ZFP30: variants seen among roughly 807,000 people sequenced by gnomAD.
The protein encoded by ZFP30 is zinc finger protein 30 homolog.
A neutral mutation model predicts 12.3 loss-of-function variants in ZFP30; 16 were observed. The ratio of observed to expected loss-of-function variants is 1.30; its 90% CI spans 0.88 to 1.98. The LOEUF is 1.98. ZFP30 is among the 30% of genes most tolerant of loss of function. ZFP30 has a pLI of 0.00. For synonymous variants in ZFP30, 172 were observed against 201.0 expected (o/e 0.86, Z 1.22); for missense variants, 560 against 611.2 (o/e 0.92, Z 0.88).
At chr19:37,637,274 G>A (rs1198381720) in intron 5 of ZFP30, among the ~76,000 whole-genome samples, 3 of 147,052 alleles carry the variant, frequency 2.0e-5, no homozygotes, top group East Asian at 2.0e-4. Context: ...GCGCAATCTC[G>A]GCTTACTGCA....
chr19:37,639,317 C>A (rs999156846), intron 5 of ZFP30, among the ~76,000 whole-genome samples: 2 of 152,108 alleles, frequency 1.3e-5, no homozygotes, highest in African/African-American at 4.8e-5. Flanking sequence ...ATGCTCATTT[C>A]AAAGGATTTA....
At chr19:37,640,403 T>C (rs1473828026) in intron 5 of ZFP30, among the ~76,000 whole-genome samples, 3 of 149,270 alleles carry the variant, frequency 2.0e-5, no homozygotes, top group Non-Finnish European at 4.5e-5. Flanking sequence ...ATTAACATTA[T>C]TTAATTATAT....
rs1741322038 is a variant in ZFP30, at chr19:37,634,756, G to A, written c.*225C>T. Reference sequence around the variant, plus strand: ...CAAAAGCTTTTCCACATTCAGTCCTGTAATAAAGTTCTTTTCTAGGATGAA... The same window carrying A: ...CAAAAGCTTTTCCACATTCAGTCCTATAATAAAGTTCTTTTCTAGGATGAA... On this transcript the variant is annotated 3_prime_UTR_variant, in exon 6 of 6. Transcript: ENST00000684514. 6.6e-6 allele frequency: 3 copies of A among 452,306 alleles called. No homozygotes were observed. Among genetic ancestry groups the A allele is most frequent in the Admixed American group, 3.9e-5 (1 of 25,736 alleles). The allele number at this position is 452,306 out of a possible 1,614,324, so 28.0% of individuals were successfully genotyped here. A position where few individuals can be genotyped will look rare whatever the true frequency, so the allele number is the denominator to read the frequency against.
Position 37,635,818 on chromosome 19 carries a change from C to A in ZFP30, c.723G>T (p.Pro241=). 2 of 1,613,884 alleles carry A rather than the reference C, an allele frequency of 1.2e-6. No individual in the cohort carries two copies. Among genetic ancestry groups the A allele is most frequent in the South Asian group, 2.2e-5 (2 of 91,052 alleles). Residue 241 remains proline (P), a synonymous_variant, in exon 6 of 6, where the codon CCG becomes CCT. Coordinates refer to ENST00000684514, the MANE Select transcript of ZFP30 (RefSeq NM_001320669.3). ...VHQRIHIGEK[P]YECKECGKAF... is the part of the protein sequence containing the mutation. ...CTTTCCCACATTCTTTACATTCATA[C>A]GGCTTCTCACCAATATGAATTCTCT...
At chr19:37,646,521 C>A (rs1228816374) in intron 3 of ZFP30, among the ~76,000 whole-genome samples, 1 of 152,002 alleles carries the variant, frequency 6.6e-6, no homozygotes, top group Non-Finnish European at 1.5e-5. Flanking sequence ...AGCAAAAAAA[C>A]AAGGTAAAAC....
rs770216849 is a variant in ZFP30 at position 37,635,156 on chromosome 19, C to G, written c.1385G>C (p.Gly462Ala). ...TTCCTTACAGTCATAGGGCTTTTCA[C>G]CAGTATGAATACTTTGATGTTGGGT... ...QLTQHQSIHT[G>A]EKPYDCKECG... is the part of the protein sequence containing the mutation. The change falls in exon 6 of 6, where the codon GGT becomes GCT. Residue 462 changes from glycine to alanine, a missense_variant. Transcript: ENST00000684514. 2.5e-6 allele frequency: 4 copies of G among 1,612,194 alleles called. No homozygotes were observed. The highest frequency in any genetic ancestry group is 2.5e-6 in the Non-Finnish European group (3 of 1,179,078).
intron 5 of ZFP30, among the ~76,000 whole-genome samples, chr19:37,637,880 C>T (rs142118456): frequency 1.3e-5 from 2 of 152,232 alleles, no homozygotes; most frequent in African/African-American, 4.8e-5. Flanking sequence ...TTAAACTTCC[C>T]CAAGGGCAGA....
chr19:37,648,562 C>T (rs2044587212), intron 2 of ZFP30, among the ~76,000 whole-genome samples: 1 of 152,092 alleles, frequency 6.6e-6, no homozygotes, highest in South Asian at 2.1e-4. Flanking sequence ...GCATCAGAAT[C>T]ACCCAGAGGG....
chr19:37,635,109 G>A lies in ZFP30; in HGVS notation c.1432C>T (p.His478Tyr). 1 of 1,613,610 alleles carries A rather than the reference G, an allele frequency of 6.2e-7. No individual in the cohort carries two copies. Among genetic ancestry groups the A allele is most frequent in the Non-Finnish European group, 8.5e-7 (1 of 1,179,810 alleles). ...CTCTGATGTTGAATCAGTGATGAATGAAGTCTAAAGGCCTTTCCACATTCC... is the reference window on the plus strand; with the variant it reads ...CTCTGATGTTGAATCAGTGATGAATAAAGTCTAAAGGCCTTTCCACATTCC... ...CKECGKAFRL[H>Y]SSLIQHQRIH... is the part of the protein sequence containing the mutation. Residue 478 changes from histidine (H) to tyrosine (Y), a missense_variant, in exon 6 of 6, where the codon CAT becomes TAT. His to Tyr is a moderately conservative substitution (Grantham distance 83, BLOSUM62 2). Transcript: ENST00000684514.
intron 2 of ZFP30, 79 bp downstream of exon 2, chr19:37,654,633 T>A (rs1478941252): frequency 6.6e-6 from 1 of 152,122 alleles, no homozygotes; most frequent in Non-Finnish European, 1.5e-5. Flanking sequence ...AATGAATAAA[T>A]AGATCATTCC....
intron 5 of ZFP30, among the ~76,000 whole-genome samples, chr19:37,642,276 T>C (rs1041763227): frequency 2.6e-5 from 4 of 152,242 alleles, no homozygotes; most frequent in African/African-American, 9.6e-5. Flanking sequence ...TTTTAATTTA[T>C]GCTTTTTAAA....
chr19:37,651,574 TC>T (rs1419529955), intron 2 of ZFP30: 2 of 109,560 alleles, frequency 1.8e-5, no homozygotes, highest in African/African-American at 6.7e-5. Context: ...AGACTCCATC[TC>T]AAAAAAAAAA....
rs1347800908 is a variant in ZFP30, at chr19:37,644,743, T to G, written c.10-7A>C. The G allele has an allele frequency of 6.2e-7, 1 of 1,603,272 alleles. No homozygotes were observed. The highest frequency in any genetic ancestry group is 8.5e-7 in the Non-Finnish European group (1 of 1,176,754). The stretch of plus-strand genomic sequence containing the variant: ...CTCTGAACATCACCAAATCCTGAAA[T>G]GATAAACGCATGTATTATTTGTAAG... On this transcript the variant is annotated splice_region_variant and splice_polypyrimidine_tract_variant and intron_variant, in intron 3 of 5. Coordinates refer to ENST00000684514, the MANE Select transcript of ZFP30 (RefSeq NM_001320669.3).
upstream of ZFP30, chr19:37,655,930 GGGAGGTTTGGA>G (rs2044749522): frequency 6.6e-6 from 1 of 152,416 alleles, no homozygotes; most frequent in Non-Finnish European, 1.5e-5. Context: ...CCGAGGGGTC[GGGAGGTTTGGA>G]GGAGGGTGGA....
At chr19:37,640,665 T>C (rs1346286577) in intron 5 of ZFP30, among the ~76,000 whole-genome samples, 3 of 151,134 alleles carry the variant, frequency 2.0e-5, no homozygotes, top group South Asian at 2.1e-4. Context: ...GGCAGACAGA[T>C]TGCATGAACC....
intron 4 of ZFP30, chr19:37,644,343 G>A (rs868250344): frequency 9.4e-6 from 2 of 213,662 alleles, no homozygotes; most frequent in Admixed American, 5.9e-5. Flanking sequence ...AGACCATCCC[G>A]GCCAACCTGG....
chr19:37,643,964 C>T (rs1568384162), intron 4 of ZFP30, among the ~76,000 whole-genome samples: 1 of 152,294 alleles, frequency 6.6e-6, no homozygotes, highest in East Asian at 1.9e-4. Flanking sequence ...ACTGTAAAAG[C>T]TCTTTTAATA....
intron 2 of ZFP30, among the ~76,000 whole-genome samples, chr19:37,651,819 T>C (rs994442573): frequency 6.6e-6 from 1 of 152,146 alleles, no homozygotes; most frequent in East Asian, 1.9e-4. Context: ...CAATAAGTCA[T>C]TTCTTAAAAA....
Position 37,635,590 on chromosome 19 carries a change from G to A in ZFP30, c.951C>T (p.His317=). The A allele has an allele frequency of 6.2e-7, 1 of 1,613,988 alleles. No individual in the cohort carries two copies. The highest frequency in any genetic ancestry group is 8.5e-7 in the Non-Finnish European group (1 of 1,180,000). ...AGGGTTTTTCTCCAGTATGAAGTTT[G>A]TGATGTAGTCGAAGGCCTGTACTAC... ...FLCSTGLRLH[H]KLHTGEKPYE... The change falls in exon 6 of 6, where the codon CAC becomes CAT. Residue 317 remains histidine, a synonymous_variant. Coordinates refer to ENST00000684514, the MANE Select transcript of ZFP30 (RefSeq NM_001320669.3).
Sources: gnomAD v4.1 joint callset for allele counts (sites outside exome capture counted in the v4.1 genomes callset) on GRCh38, gnomAD v4.1.1 for gene constraint, MANE v1.5 for transcripts, NCBI Gene and HGNC (gene_info 2026-07-23, HGNC 2026-07-21) for gene names.